The following FLCN variants were observed in gnomAD, a reference collection of about 807,000 sequenced individuals.
FLCN encodes BHD skin lesion fibrofolliculoma protein.
Under a neutral mutation model 62.5 loss-of-function variants are expected in FLCN, and 22 were observed. That is an observed-to-expected ratio of 0.35 (90% CI 0.25 to 0.50). FLCN has a LOEUF of 0.50. FLCN is among the 20% of genes least tolerant of loss of function. The pLI is 0.97. For synonymous variants in FLCN, 319 were observed against 310.0 expected, an observed-to-expected ratio of 1.03 and a Z score of -0.30; for missense variants, 657 against 778.0, an observed-to-expected ratio of 0.84 and a Z score of 1.85.
chr17:17,228,488 C>T (rs1251545248), intron 3 of FLCN: 2 of 333,344 alleles, frequency 6.0e-6, no homozygotes, highest in Non-Finnish European at 1.2e-5. Context: ...TGCAGCCAAA[C>T]CTGGCAAACC....
In FLCN at chr17:17,213,035, C is replaced by T. The variant is rs1169421566; in HGVS notation, c.*620G>A. 1 of 241,760 alleles carries T rather than the reference C, an allele frequency of 4.1e-6. No individual in the cohort carries two copies. The highest frequency in any genetic ancestry group is 8.2e-6 in the Non-Finnish European group (1 of 122,428). The allele number at this position is 241,760 out of a possible 1,614,324, so 15.0% of individuals were successfully genotyped here. A position where few individuals can be genotyped will look rare whatever the true frequency, so the allele number is the denominator to read the frequency against. On this transcript the variant is annotated 3_prime_UTR_variant, in exon 14 of 14. Coordinates refer to ENST00000285071, the MANE Select transcript of FLCN (RefSeq NM_144997.7). ...AAGCCCCAGGTTACCTTCACCAGCA[C>T]CTGCAGGGGAACACCCCAGAAGACG...
chr17:17,226,155 C>A, intron 5 of FLCN, 21 bp downstream of exon 5: 10 of 1,613,994 alleles, frequency 6.2e-6, no homozygotes, highest in Non-Finnish European at 6.8e-6. Context: ...CAGAGACAGG[C>A]TCTGTGGCCA....
At chr17:17,222,056 G>T (rs1003813171) in intron 7 of FLCN, among the ~76,000 whole-genome samples, 3 of 148,844 alleles carry the variant, frequency 2.0e-5, no homozygotes, top group Admixed American at 2.0e-4. Context: ...AAAAAAAAAG[G>T]CTGGGCGCGG....
At chr17:17,214,267 G>A (rs1276230065) in intron 13 of FLCN, among the ~76,000 whole-genome samples, 2 of 151,630 alleles carry the variant, frequency 1.3e-5, no homozygotes, top group African/African-American at 2.4e-5. Flanking sequence ...AAGAATCGAG[G>A]CAGGAGGAAA....
At chr17:17,232,439 G>T (rs2047452149) in intron 2 of FLCN, among the ~76,000 whole-genome samples, 1 of 152,210 alleles carries the variant, frequency 6.6e-6, no homozygotes, top group African/African-American at 2.4e-5. Context: ...CAAGAAAGGG[G>T]CGGAATCTAG....
intron 3 of FLCN, among the ~76,000 whole-genome samples, chr17:17,231,214 T>G (rs1736213): frequency 0.52 from 79,183 of 152,010 alleles, 21,562 homozygotes; most frequent in East Asian, 0.63. Context: ...AATAATGAAT[T>G]AATTAATTAA....
At position 17,214,306 on chromosome 17, in the gene FLCN, A is replaced by AC. The variant is rs1567805930; in HGVS notation, c.1539-451dup. ...AGTAAATTTGCTTACAAAAAAAAAAACCCGGGGGGCCAGGTGCAGTGGCTC... is the reference window on the plus strand; with the variant it reads ...AGTAAATTTGCTTACAAAAAAAAAAACCCCGGGGGGCCAGGTGCAGTGGCTC... On this transcript the variant is annotated intron_variant, in intron 13 of 13. Transcript: ENST00000285071. Among the ~76,000 whole-genome samples the AC allele has an allele frequency of 3.4e-5, 5 of 148,384 alleles. No individual in the cohort carries two copies. In the South Asian group the frequency reaches 8.4e-4, roughly 25 times the overall value.
In FLCN at chr17:17,213,350, C is replaced by T. The variant is rs1180162633; in HGVS notation, c.*305G>A. 1.9e-6 allele frequency: 1 copy of T among 527,016 alleles called. No homozygotes were observed. Among genetic ancestry groups the T allele is most frequent in the East Asian group, 3.2e-5 (1 of 30,804 alleles). The allele number at this position is 527,016 out of a possible 1,614,324, so 32.6% of individuals were successfully genotyped here. ...TCTCCTGCGGGTTTTGAGTCTAAGTCCACAAGGGGCCTGGGAGGCAAGCTG... is the reference window on the plus strand; with the variant it reads ...TCTCCTGCGGGTTTTGAGTCTAAGTTCACAAGGGGCCTGGGAGGCAAGCTG... On this transcript the variant is annotated 3_prime_UTR_variant, in exon 14 of 14. Coordinates refer to ENST00000285071, the MANE Select transcript of FLCN (RefSeq NM_144997.7).
intron 2 of FLCN, among the ~76,000 whole-genome samples, chr17:17,232,093 C>G (rs959644870): frequency 2.6e-5 from 4 of 152,196 alleles, no homozygotes; most frequent in Non-Finnish European, 4.4e-5. Flanking sequence ...GAACTTCTAG[C>G]TGGAAGGCCC....
At chr17:17,226,097 T>C (rs765914434) in intron 5 of FLCN, 79 bp downstream of exon 5, 24 of 1,591,368 alleles carry the variant, frequency 1.5e-5, no homozygotes, top group Non-Finnish European at 2.1e-5. Context: ...CCCTGTGCAA[T>C]GCTGGCTCCG....
chr17:17,218,016 A>T (rs1040586047), intron 9 of FLCN, among the ~76,000 whole-genome samples: 12 of 152,236 alleles, frequency 7.9e-5, no homozygotes, highest in Admixed American at 2.6e-4. Flanking sequence ...ATGGGTGTTT[A>T]CATCCAGAAG....
chr17:17,218,213 C>T (rs950972381), intron 9 of FLCN, among the ~76,000 whole-genome samples: 1 of 152,186 alleles, frequency 6.6e-6, no homozygotes, highest in African/African-American at 2.4e-5. Flanking sequence ...CTGGAGACAA[C>T]ACTGTTAGAT....
At chr17:17,221,009 A>T (rs936578120) in intron 8 of FLCN, 2 of 487,640 alleles carry the variant, frequency 4.1e-6, no homozygotes. Context: ...ATCATCCCTG[A>T]TGGAAAGCTT....
intron 4 of FLCN, among the ~76,000 whole-genome samples, chr17:17,227,113 G>A (rs2047274074): frequency 6.6e-6 from 1 of 152,178 alleles, no homozygotes; most frequent in African/African-American, 2.4e-5. Flanking sequence ...CACGTCCTCT[G>A]CTTCTGCAGC....
rs2145045990 is a variant in FLCN, at chr17:17,228,010, T to C, written c.128A>G (p.Glu43Gly). The stretch of plus-strand genomic sequence containing the variant: ...GCCACCTTCCTCTTCTTCCGCCTGC[T>C]CACCCTGGCCAGGACTGTCCTCATT... ...DGNEDSPGQG[E>G]QAEEEEGGIQ... Residue 43 changes from glutamate (E) to glycine (G), a missense_variant, in exon 4 of 14, where the codon GAG becomes GGG. Glu to Gly is a moderately conservative substitution (Grantham distance 98). Transcript: ENST00000285071. The C allele has an allele frequency of 6.2e-7, 1 of 1,614,004 alleles. No homozygotes were observed. The highest frequency in any genetic ancestry group is 8.5e-7 in the Non-Finnish European group (1 of 1,180,044).
At chr17:17,220,145 A>C (rs1597595247) in intron 8 of FLCN, 1 of 152,266 alleles carries the variant, frequency 6.6e-6, no homozygotes, top group South Asian at 2.1e-4. Context: ...TTCTGGGCTC[A>C]AGTGATCCTC....
At chr17:17,218,730 C>T (rs1030393279) in intron 9 of FLCN, among the ~76,000 whole-genome samples, 1 of 152,188 alleles carries the variant, frequency 6.6e-6, no homozygotes, top group Non-Finnish European at 1.5e-5. Flanking sequence ...AAACCAATTA[C>T]AGTGCTGTTC....
At position 17,221,495 on chromosome 17, in the gene FLCN, G is replaced by A. The variant is rs750613934; in HGVS notation, c.871+42C>T. 3 of 1,613,822 alleles carry A rather than the reference G, an allele frequency of 1.9e-6. No individual in the cohort carries two copies. The highest frequency in any genetic ancestry group is 2.5e-6 in the Non-Finnish European group (3 of 1,180,010). On this transcript the variant is annotated intron_variant, in intron 8 of 13. Coordinates refer to ENST00000285071, the MANE Select transcript of FLCN (RefSeq NM_144997.7). ...AGCAGACAGCTGGTACCGCCCCACGGCCATCCGGGCCAAGGCCCCGGCAAC... is the reference window on the plus strand; with the variant it reads ...AGCAGACAGCTGGTACCGCCCCACGACCATCCGGGCCAAGGCCCCGGCAAC...
intron 8 of FLCN, chr17:17,220,975 A>G (rs1430582226): frequency 2.5e-6 from 1 of 408,078 alleles, no homozygotes; most frequent in African/African-American, 2.0e-5. Context: ...TGGTCGTACC[A>G]CAGACCTGTA....
Sources: allele counts gnomAD v4.1 joint callset (sites outside exome capture counted in the v4.1 genomes callset), GRCh38; gene constraint gnomAD v4.1.1; transcripts MANE v1.5; gene names NCBI Gene and HGNC (gene_info 2026-07-23, HGNC 2026-07-21).